The following UCHL3 variants were observed in gnomAD, a reference collection of about 807,000 sequenced individuals.
UCHL3 encodes ubiquitin C-terminal hydrolase L3.
UCHL3 carries 22 observed loss-of-function variants against 35.8 expected under a neutral mutation model. That is an observed-to-expected ratio of 0.61 (90% CI 0.44 to 0.88). The LOEUF (loss-of-function observed/expected upper bound fraction) is 0.88. Among genes scored for constraint, UCHL3 ranks in the 40% least tolerant of loss-of-function variants. The pLI is 0.00. For synonymous variants in UCHL3, 90 were observed against 92.8 expected (o/e 0.97, Z 0.17); for missense variants, 229 against 276.9 (o/e 0.83, Z 1.23).
intron 7 of UCHL3, among the ~76,000 whole-genome samples, chr13:75,600,584 T>C (rs2032756911): frequency 6.6e-6 from 1 of 152,230 alleles, no homozygotes; most frequent in South Asian, 2.1e-4. Context: ...ATAGCCTGGA[T>C]TACTGAATCT....
chr13:75,574,960 C>T (rs1410514663), intron 6 of UCHL3, among the ~76,000 whole-genome samples: 1 of 152,066 alleles, frequency 6.6e-6, no homozygotes, highest in Non-Finnish European at 1.5e-5. Flanking sequence ...GGTAGACCAA[C>T]AATAAATCCT....
At chr13:75,559,417 A>T (rs2031418631) in intron 2 of UCHL3, among the ~76,000 whole-genome samples, 2 of 152,164 alleles carry the variant, frequency 1.3e-5, no homozygotes, top group Non-Finnish European at 2.9e-5. Flanking sequence ...TTCTTCTAAG[A>T]AAGTTTTTAT....
In UCHL3 at chr13:75,582,957, G is replaced by T. The variant is rs148280476; in HGVS notation, c.475-11958G>T. 1.6e-3 allele frequency among the ~76,000 whole-genome samples: 240 copies of T among 152,232 alleles called. 1 individual carries two copies. The highest frequency in any genetic ancestry group is 5.5e-3 in the African/African-American group (229 of 41,556). On this transcript the variant is annotated intron_variant, in intron 6 of 8. Coordinates refer to ENST00000377595, the MANE Select transcript of UCHL3 (RefSeq NM_006002.5). ...TGAATTAGATCAACTCTTTGAAATT[G>T]AAAATATATATGATGTACACTGTTA...
chr13:75,590,193 T>C (rs866220864), intron 6 of UCHL3: 194 of 1,220,674 alleles, frequency 1.6e-4, no homozygotes, highest in Middle Eastern at 1.4e-3. Context: ...TTTTTTTTTT[T>C]CTTAACTTCG....
intron 6 of UCHL3, among the ~76,000 whole-genome samples, chr13:75,576,733 A>G (rs2032035646): frequency 6.6e-6 from 1 of 152,210 alleles, no homozygotes; most frequent in African/African-American, 2.4e-5. Context: ...AGACATATAA[A>G]GCTAAGCTTT....
intron 6 of UCHL3, among the ~76,000 whole-genome samples, chr13:75,581,679 C>T (rs886529784): frequency 2.8e-5 from 4 of 144,344 alleles, no homozygotes; most frequent in African/African-American, 7.5e-5. Context: ...TTAGGCAGAC[C>T]CTCTGCTTTG....
chr13:75,558,677 A>T (rs2031375358), intron 2 of UCHL3, among the ~76,000 whole-genome samples: 1 of 152,208 alleles, frequency 6.6e-6, no homozygotes. Flanking sequence ...CAGAGGCTTC[A>T]CTGATGTATA....
chr13:75,580,122 T>G (rs1245308261), intron 6 of UCHL3, among the ~76,000 whole-genome samples: 1 of 152,168 alleles, frequency 6.6e-6, no homozygotes, highest in Non-Finnish European at 1.5e-5. Context: ...ATGAAGAAAC[T>G]TACCATTATC....
At chr13:75,579,184 G>A (rs1170073144) in intron 6 of UCHL3, among the ~76,000 whole-genome samples, 1 of 152,046 alleles carries the variant, frequency 6.6e-6, no homozygotes, top group Admixed American at 6.6e-5. Context: ...GAAAGAATCT[G>A]AGGATATTAG....
intron 6 of UCHL3, 126 bp from the exon 7 acceptor site, chr13:75,594,789 G>A (rs781689840): frequency 1.2e-5 from 9 of 737,020 alleles, no homozygotes; most frequent in Non-Finnish European, 2.0e-5. Flanking sequence ...CAAACATTAA[G>A]CCTTGAATTA....
intron 6 of UCHL3, among the ~76,000 whole-genome samples, chr13:75,580,428 A>G (rs1309690842): frequency 6.6e-6 from 1 of 152,204 alleles, no homozygotes; most frequent in Admixed American, 6.5e-5. Flanking sequence ...GCGCACACAC[A>G]TGTCCTTACA....
intron 2 of UCHL3, among the ~76,000 whole-genome samples, chr13:75,552,803 AATT>A (rs774355792): frequency 6.6e-5 from 10 of 152,194 alleles, no homozygotes; most frequent in Non-Finnish European, 8.8e-5. Context: ...TGATATAGGC[AATT>A]ATTATTATTT....
chr13:75,550,059 C>T, intron 2 of UCHL3, 72 bp downstream of exon 2: 2 of 1,599,972 alleles, frequency 1.3e-6, no homozygotes, highest in Non-Finnish European at 1.7e-6. Context: ...CTGCTGGACT[C>T]CACCTCCACG....
intron 6 of UCHL3, among the ~76,000 whole-genome samples, chr13:75,586,957 CT>C (rs2138547644): frequency 7.3e-6 from 1 of 136,474 alleles, no homozygotes; most frequent in Non-Finnish European, 1.5e-5. Flanking sequence ...GTATTACATG[CT>C]TATAGTAGAA....
intron 6 of UCHL3, among the ~76,000 whole-genome samples, chr13:75,592,446 A>ATATACATATATATATATATG (rs1555276764): frequency 1.4e-5 from 1 of 71,072 alleles, no homozygotes; most frequent in Admixed American, 1.7e-4. Context: ...ATATATATAT[A>ATATACATATATATATATATG]TATATATATA....
intron 8 of UCHL3, among the ~76,000 whole-genome samples, chr13:75,605,503 C>A (rs578005139): frequency 2.3e-4 from 35 of 152,218 alleles, no homozygotes; most frequent in African/African-American, 8.4e-4. Flanking sequence ...GGGCAAGACT[C>A]TGTCTCAAAA....
intron 2 of UCHL3, among the ~76,000 whole-genome samples, chr13:75,552,786 T>C (rs530341847): frequency 2.0e-5 from 3 of 152,246 alleles, no homozygotes; most frequent in Non-Finnish European, 4.4e-5. Flanking sequence ...ACAACATTTA[T>C]AGAGTGTGAT....
At chr13:75,578,908 A>T (rs1307213816) in intron 6 of UCHL3, among the ~76,000 whole-genome samples, 1 of 152,084 alleles carries the variant, frequency 6.6e-6, no homozygotes, top group Non-Finnish European at 1.5e-5. Flanking sequence ...TCCTCTGTTT[A>T]GAATCTACTG....
chr13:75,599,761 T>C (rs1043075099), intron 7 of UCHL3, among the ~76,000 whole-genome samples: 3 of 152,150 alleles, frequency 2.0e-5, no homozygotes, highest in Non-Finnish European at 4.4e-5. Context: ...CACAATAATA[T>C]TGAAATGAGG....
Sources: allele counts gnomAD v4.1 joint callset (sites outside exome capture counted in the v4.1 genomes callset), GRCh38; gene constraint gnomAD v4.1.1; transcripts MANE v1.5; gene names NCBI Gene and HGNC (gene_info 2026-07-23, HGNC 2026-07-21).